UBAP1: variants seen among roughly 807,000 people sequenced by gnomAD.
UBAP1 encodes the protein ubiquitin associated protein 1.
A neutral mutation model predicts 39.0 loss-of-function variants in UBAP1; 5 were observed. The observed-to-expected ratio is 0.13, with a 90% CI of 0.07 to 0.27. The LOEUF (loss-of-function observed/expected upper bound fraction) is 0.27, where lower values mean the gene tolerates loss of function less well. Among genes scored for constraint, UBAP1 ranks in the 10% least tolerant of loss-of-function variants. The probability of loss-of-function intolerance (pLI) is 1.00; values close to 1 mark genes in which losing one functional copy is unlikely to be tolerated. For synonymous variants in UBAP1, 211 were observed against 225.1 expected, an observed-to-expected ratio of 0.94 and a Z score of 0.56; for missense variants, 490 against 608.1, an observed-to-expected ratio of 0.81 and a Z score of 2.04.
intron 4 of UBAP1, among the ~76,000 whole-genome samples, chr9:34,243,489 CTT>C (rs971182110): frequency 1.6e-4 from 22 of 140,996 alleles, no homozygotes; most frequent in Admixed American, 2.9e-4. Context: ...TTTCTTTTTT[CTT>C]TTTTTTTTTT....
chr9:34,199,083 TA>T (rs2131529502), intron 1 of UBAP1, among the ~76,000 whole-genome samples: 1 of 152,348 alleles, frequency 6.6e-6, no homozygotes, highest in East Asian at 1.9e-4. Flanking sequence ...ATTATTTATT[TA>T]TTTTTTTGAG....
At chr9:34,219,759 C>CCCCTCCCTTCT (rs1832572679) in intron 1 of UBAP1, among the ~76,000 whole-genome samples, 1 of 59,614 alleles carries the variant, frequency 1.7e-5, no homozygotes, top group Non-Finnish European at 3.6e-5. Flanking sequence ...CCCTCCCCTC[C>CCCCTCCCTTCT]CCTCTCCCCT....
chr9:34,223,221 A>G (rs933016082), intron 2 of UBAP1, among the ~76,000 whole-genome samples: 3 of 152,052 alleles, frequency 2.0e-5, no homozygotes, highest in Non-Finnish European at 4.4e-5. Flanking sequence ...ACCTGAGGTC[A>G]GGAGTTCAAG....
intron 1 of UBAP1, among the ~76,000 whole-genome samples, chr9:34,185,407 G>A (rs1314410981): frequency 6.6e-6 from 1 of 152,170 alleles, no homozygotes; most frequent in African/African-American, 2.4e-5. Flanking sequence ...AAATTAGCTG[G>A]GATTGGTGGT....
At chr9:34,187,344 A>G (rs978562484) in intron 1 of UBAP1, among the ~76,000 whole-genome samples, 2 of 152,206 alleles carry the variant, frequency 1.3e-5, no homozygotes, top group African/African-American at 4.8e-5. Context: ...GCTTGATTAC[A>G]AAGGCAGACT....
intron 2 of UBAP1, chr9:34,224,352 GT>G: frequency 2.2e-6 from 1 of 447,940 alleles, no homozygotes; most frequent in Non-Finnish European, 4.2e-6. Flanking sequence ...CCAGGGTCTT[GT>G]TATGGACCAG....
chr9:34,225,695 G>C (rs1833008253), intron 2 of UBAP1, among the ~76,000 whole-genome samples: 1 of 151,402 alleles, frequency 6.6e-6, no homozygotes, highest in Admixed American at 6.6e-5. Flanking sequence ...CAGGAGAATG[G>C]CGTGAACCCA....
At chr9:34,238,485 A>G (rs1299415068) in intron 3 of UBAP1, among the ~76,000 whole-genome samples, 1 of 152,248 alleles carries the variant, frequency 6.6e-6, no homozygotes, top group Non-Finnish European at 1.5e-5. Context: ...GCAGCACTAC[A>G]AGAGGGTACC....
intron 3 of UBAP1, among the ~76,000 whole-genome samples, chr9:34,237,550 CCTTT>C (rs1833764823): frequency 6.6e-6 from 1 of 152,058 alleles, no homozygotes; most frequent in African/African-American, 2.4e-5. Flanking sequence ...ATGAAATTTA[CCTTT>C]TTTTAAAAAA....
intron 1 of UBAP1, among the ~76,000 whole-genome samples, chr9:34,202,709 A>G (rs1230579947): frequency 4.4e-5 from 6 of 137,446 alleles, no homozygotes; most frequent in Non-Finnish European, 9.2e-5. Flanking sequence ...GTATCATAAC[A>G]CCATACAGCC....
chr9:34,203,537 C>A (rs192805814), intron 1 of UBAP1, among the ~76,000 whole-genome samples: 1 of 152,124 alleles, frequency 6.6e-6, no homozygotes, highest in East Asian at 1.9e-4. Context: ...TGCATAAAGG[C>A]AAGTGGGGAA....
At chr9:34,226,476 A>C (rs1012080254) in intron 2 of UBAP1, among the ~76,000 whole-genome samples, 1 of 152,012 alleles carries the variant, frequency 6.6e-6, no homozygotes, top group African/African-American at 2.4e-5. Flanking sequence ...ACCTCAGGTG[A>C]TCCACCTGCG....
At chr9:34,207,202 G>A (rs1254106381) in intron 1 of UBAP1, among the ~76,000 whole-genome samples, 10 of 150,540 alleles carry the variant, frequency 6.6e-5, no homozygotes, top group East Asian at 1.9e-4. Flanking sequence ...ACGGGCTCCC[G>A]CCACAGCTAA....
intron 1 of UBAP1, chr9:34,211,959 G>A (rs1280326027): frequency 2.4e-6 from 1 of 415,354 alleles, no homozygotes; most frequent in East Asian, 7.4e-5. Context: ...CTGATAAGTT[G>A]TTGGTTTTGG....
At chr9:34,223,892 T>A in intron 2 of UBAP1, 1 of 251,094 alleles carries the variant, frequency 4.0e-6, no homozygotes, top group Non-Finnish European at 7.7e-6. Flanking sequence ...GCTTTACTTG[T>A]TTTTTTTGTT....
At chr9:34,250,817 C>A in intron 6 of UBAP1, 58 bp downstream of exon 6, 1 of 1,462,950 alleles carries the variant, frequency 6.8e-7, no homozygotes, top group Non-Finnish European at 9.6e-7. Flanking sequence ...AAGTATCCAT[C>A]CTGGTTTTCT....
chr9:34,221,238 T>C (rs1192309402), intron 2 of UBAP1, among the ~76,000 whole-genome samples: 1 of 152,100 alleles, frequency 6.6e-6, no homozygotes, highest in Non-Finnish European at 1.5e-5. Context: ...GCATTGAAGG[T>C]ATAGTTACTG....
chr9:34,216,926 C>T (rs766323757), intron 1 of UBAP1, among the ~76,000 whole-genome samples: 1 of 151,908 alleles, frequency 6.6e-6, no homozygotes, highest in Non-Finnish European at 1.5e-5. Context: ...ACTGTAGTCA[C>T]CTTACTGTAC....
intron 1 of UBAP1, among the ~76,000 whole-genome samples, chr9:34,199,559 A>T (rs1051269041): frequency 6.6e-6 from 1 of 151,650 alleles, no homozygotes; most frequent in African/African-American, 2.4e-5. Context: ...TGAAAAACCT[A>T]CCTTGGTACG....
Sources: gnomAD v4.1 joint callset for allele counts (sites outside exome capture counted in the v4.1 genomes callset) on GRCh38, gnomAD v4.1.1 for gene constraint, MANE v1.5 for transcripts, NCBI Gene and HGNC (gene_info 2026-07-23, HGNC 2026-07-21) for gene names.